The following NRG1 variants were observed in gnomAD, a reference collection of about 807,000 sequenced individuals.
NRG1 encodes the protein neuregulin 1.
In NRG1, 18 loss-of-function variants were observed where a neutral mutation model predicts 63.8. The observed-to-expected ratio is 0.28, with a 90% CI of 0.19 to 0.42. The LOEUF is 0.42. NRG1 is among the 10% of genes least tolerant of loss of function. The pLI is 1.00. For missense variants in NRG1, 762 were observed against 814.7 expected (o/e 0.94, Z 0.79); for synonymous variants, 302 against 301.3 (o/e 1.00, Z -0.02).
At chr8:32,125,065 C>G (rs932503261) in intron 1 of NRG1, among the ~76,000 whole-genome samples, 6 of 151,852 alleles carry the variant, frequency 4.0e-5, no homozygotes, top group Admixed American at 3.9e-4. Context: ...AACTTAGGCC[C>G]TTTTTGCCTT....
intron 1 of NRG1, among the ~76,000 whole-genome samples, chr8:31,697,333 G>C (rs1376812399): frequency 1.3e-5 from 2 of 152,104 alleles, no homozygotes; most frequent in Non-Finnish European, 2.9e-5. Flanking sequence ...ATCTGTTATA[G>C]GTGTCTGTAG....
chr8:32,073,496 C>T (rs1169991824), intron 1 of NRG1, among the ~76,000 whole-genome samples: 1 of 152,106 alleles, frequency 6.6e-6, no homozygotes, highest in Admixed American at 6.5e-5. Flanking sequence ...AATTCCTTAT[C>T]ATGGAATTAT....
intron 5 of NRG1, among the ~76,000 whole-genome samples, chr8:32,619,924 G>T (rs1038641425): frequency 2.0e-5 from 3 of 152,084 alleles, no homozygotes; most frequent in African/African-American, 7.2e-5. Context: ...ATATAAACCA[G>T]TCGTGGCAGG....
At chr8:31,975,097 A>G (rs1009327952) in intron 1 of NRG1, among the ~76,000 whole-genome samples, 9 of 152,272 alleles carry the variant, frequency 5.9e-5, no homozygotes, top group Middle Eastern at 3.4e-3. Flanking sequence ...AATAATTATA[A>G]TAGTGTAGAA....
intron 1 of NRG1, among the ~76,000 whole-genome samples, chr8:31,738,174 C>T (rs1814884557): frequency 6.6e-6 from 1 of 152,008 alleles, no homozygotes; most frequent in African/African-American, 2.4e-5. Context: ...AACCAAAGTC[C>T]TCATAGCGGC....
chr8:32,473,502 A>G (rs1229085645), intron 1 of NRG1, among the ~76,000 whole-genome samples: 2 of 152,102 alleles, frequency 1.3e-5, no homozygotes, highest in African/African-American at 4.8e-5. Context: ...TATTTCTAAT[A>G]CTATAACATG....
Position 32,066,966 on chromosome 8 carries a change from C to T in NRG1, c.37+427535C>T, listed in dbSNP as rs1218781798. On this transcript the variant is annotated intron_variant, in intron 1 of 10. Transcript: ENST00000519301. ...TTTGAAGCAATTGTGAATGGGAGTT[C>T]ACTCATGATTTGGCTCTCTGTTTGT... Among the ~76,000 whole-genome samples, 4 of 152,190 alleles carry T rather than the reference C, an allele frequency of 2.6e-5. No homozygotes were observed. The East Asian group carries it at 7.7e-4, about 29-fold the overall frequency.
rs1182306300 is a variant in NRG1, at chr8:32,485,925, C to CT, written c.38-109895dup. 7.2e-5 allele frequency among the ~76,000 whole-genome samples: 11 copies of CT among 152,012 alleles called. No homozygotes were observed. In the South Asian group the frequency reaches 1.2e-3, roughly 17 times the overall value. ...TTCCCCAATTTGCACTTATTTCTTT[C>CT]TTTTTTTTCTTTTTTCTTTGAGACA... On this transcript the variant is annotated intron_variant, in intron 1 of 10. Coordinates refer to the NRG1 transcript ENST00000519301.
intron 1 of NRG1, among the ~76,000 whole-genome samples, chr8:32,339,796 A>G (rs530233855): frequency 6.6e-6 from 1 of 152,298 alleles, no homozygotes; most frequent in African/African-American, 2.4e-5. Flanking sequence ...ATCTTTCTGT[A>G]TTCCTCAGCT....
At chr8:32,579,629 G>A (rs1208335386) in intron 1 of NRG1, among the ~76,000 whole-genome samples, 1 of 152,116 alleles carries the variant, frequency 6.6e-6, no homozygotes, top group Admixed American at 6.6e-5. Flanking sequence ...CTATTTTTAT[G>A]TACTAAGGTC....
intron 1 of NRG1, among the ~76,000 whole-genome samples, chr8:31,886,403 C>T (rs887846460): frequency 1.9e-4 from 29 of 151,782 alleles, no homozygotes; most frequent in African/African-American, 3.9e-4. Context: ...ATATATACAC[C>T]GGGGTTAAGT....
intron 1 of NRG1, among the ~76,000 whole-genome samples, chr8:32,527,847 T>TC (rs971926042): frequency 2.6e-4 from 40 of 152,276 alleles, no homozygotes; most frequent in African/African-American, 6.7e-4. Flanking sequence ...CTTCTTTTTT[T>TC]CACACCCCAC....
At chr8:32,119,627 C>T (rs962200184) in intron 1 of NRG1, among the ~76,000 whole-genome samples, 21 of 152,032 alleles carry the variant, frequency 1.4e-4, no homozygotes, top group African/African-American at 5.1e-4. Context: ...TATACCACCT[C>T]CAGGCTTGGC....
chr8:32,545,874 T>C (rs1473497585), upstream of NRG1, among the ~76,000 whole-genome samples: 1 of 152,168 alleles, frequency 6.6e-6, no homozygotes, highest in Non-Finnish European at 1.5e-5. Flanking sequence ...GCAATTGCCA[T>C]TTCATCATCT....
intron 1 of NRG1, among the ~76,000 whole-genome samples, chr8:31,758,795 A>G (rs1817239878): frequency 6.6e-6 from 1 of 152,096 alleles, no homozygotes; most frequent in African/African-American, 2.4e-5. Context: ...TAGAAATGGG[A>G]CGGCTAGAGC....
At chr8:32,265,709 G>T (rs563644412) in intron 1 of NRG1, among the ~76,000 whole-genome samples, 1 of 151,992 alleles carries the variant, frequency 6.6e-6, no homozygotes, top group Non-Finnish European at 1.5e-5. Context: ...TGGGTTTGGT[G>T]GCATGCATCT....
intron 7 of NRG1, among the ~76,000 whole-genome samples, chr8:32,748,510 C>T (rs1828020129): frequency 6.6e-6 from 1 of 151,608 alleles, no homozygotes; most frequent in Non-Finnish European, 1.5e-5. Context: ...TTTTGGGGGG[C>T]TTGTTTTCCC....
At chr8:32,157,392 C>T (rs1167605762) in intron 1 of NRG1, among the ~76,000 whole-genome samples, 6 of 140,106 alleles carry the variant, frequency 4.3e-5, no homozygotes, top group African/African-American at 8.2e-5. Context: ...CCGGGCATGG[C>T]GGCTCACGCC....
chr8:32,765,259 A>G (rs1831334485), exon 12 of NRG1: 1 of 152,116 alleles, frequency 6.6e-6, no homozygotes, highest in African/African-American at 2.4e-5. Flanking sequence ...CAATCAAAAC[A>G]CGGCTGATAA....
Sources: allele counts gnomAD v4.1 joint callset (sites outside exome capture counted in the v4.1 genomes callset), GRCh38; gene constraint gnomAD v4.1.1; transcripts MANE v1.5; gene names NCBI Gene and HGNC (gene_info 2026-07-23, HGNC 2026-07-21).